Variants in WWOX observed in about 807,000 individuals in gnomAD.
The protein encoded by WWOX is WW domain containing oxidoreductase.
Under a neutral mutation model 46.2 loss-of-function variants are expected in WWOX, and 69 were observed. The ratio of observed to expected loss-of-function variants is 1.49; its 90% CI spans 1.23 to 1.82. The LOEUF is 1.82. Among genes scored for constraint, WWOX ranks in the 40% most tolerant of loss-of-function variants. The pLI is 0.00. For missense variants in WWOX, 919 were observed against 542.6 expected, an observed-to-expected ratio of 1.69 and a Z score of -6.89; for synonymous variants, 359 against 202.6, an observed-to-expected ratio of 1.77 and a Z score of -6.56.
chr16:79,182,684 T>C (rs905311420), intron 8 of WWOX, among the ~76,000 whole-genome samples: 1 of 152,230 alleles, frequency 6.6e-6, no homozygotes, highest in Non-Finnish European at 1.5e-5. Flanking sequence ...GGGCAAGTTA[T>C]TAACCTCTTT....
At chr16:79,040,674 C>G (rs1263022198) in intron 8 of WWOX, among the ~76,000 whole-genome samples, 1 of 152,068 alleles carries the variant, frequency 6.6e-6, no homozygotes, top group African/African-American at 2.4e-5. Context: ...TCATCATCAA[C>G]CCCTCCCCAG....
chr16:79,163,657 G>A (rs1269077693), intron 8 of WWOX, among the ~76,000 whole-genome samples: 4 of 152,002 alleles, frequency 2.6e-5, no homozygotes, highest in Admixed American at 2.0e-4. Context: ...AATTAGCCTG[G>A]CATAGTGGTG....
chr16:78,439,680 T>A (rs2083405288), intron 8 of WWOX, among the ~76,000 whole-genome samples: 1 of 152,248 alleles, frequency 6.6e-6, no homozygotes. Flanking sequence ...TCAGTTTAGC[T>A]GCTTTAGGCC....
intron 8 of WWOX, among the ~76,000 whole-genome samples, chr16:78,790,106 T>C (rs1459030865): frequency 2.0e-5 from 3 of 152,140 alleles, no homozygotes; most frequent in Admixed American, 2.0e-4. Flanking sequence ...AATCGAGTAC[T>C]GTTATTGTTT....
intron 5 of WWOX, among the ~76,000 whole-genome samples, chr16:78,307,198 C>G (rs1233876932): frequency 6.6e-6 from 1 of 152,184 alleles, no homozygotes; most frequent in Non-Finnish European, 1.5e-5. Context: ...AAGTAGGGAA[C>G]TAACTACCTG....
At chr16:79,138,589 T>C (rs1193826050) in intron 8 of WWOX, among the ~76,000 whole-genome samples, 1 of 152,196 alleles carries the variant, frequency 6.6e-6, no homozygotes, top group Non-Finnish European at 1.5e-5. Context: ...ATTAGGGTGC[T>C]CTGGGCAAGT....
intron 8 of WWOX, among the ~76,000 whole-genome samples, chr16:78,791,568 A>C (rs1469016867): frequency 6.6e-6 from 1 of 151,994 alleles, no homozygotes; most frequent in Non-Finnish European, 1.5e-5. Flanking sequence ...AGGCCATCTG[A>C]AGTTAGTGAA....
intron 8 of WWOX, among the ~76,000 whole-genome samples, chr16:78,625,059 C>T (rs529185505): frequency 7.2e-5 from 11 of 152,180 alleles, no homozygotes; most frequent in Admixed American, 2.6e-4. Flanking sequence ...CCCTGGCACT[C>T]GTTTGATTTG....
chr16:78,210,512 C>G (rs2036527581), intron 5 of WWOX, among the ~76,000 whole-genome samples: 2 of 152,020 alleles, frequency 1.3e-5, no homozygotes, highest in South Asian at 4.2e-4. Context: ...GACACACACT[C>G]TCTCTCTCTT....
chr16:78,628,889 C>A (rs978297951), intron 8 of WWOX, among the ~76,000 whole-genome samples: 1 of 152,054 alleles, frequency 6.6e-6, no homozygotes, highest in Non-Finnish European at 1.5e-5. Flanking sequence ...AGTGATGGTC[C>A]CAGGCCCCCT....
intron 8 of WWOX, among the ~76,000 whole-genome samples, chr16:78,606,932 C>A (rs931963674): frequency 2.0e-5 from 3 of 152,022 alleles, no homozygotes; most frequent in Admixed American, 1.3e-4. Flanking sequence ...CGGTTCACAT[C>A]GCTGATTAAT....
chr16:79,187,156 C>G (rs901000586), intron 8 of WWOX, among the ~76,000 whole-genome samples: 5 of 152,184 alleles, frequency 3.3e-5, no homozygotes, highest in African/African-American at 1.2e-4. Flanking sequence ...CCACCACTTA[C>G]GAATTGAATG....
chr16:78,353,732 T>G (rs964835593), intron 5 of WWOX, among the ~76,000 whole-genome samples: 1 of 152,222 alleles, frequency 6.6e-6, no homozygotes, highest in African/African-American at 2.4e-5. Flanking sequence ...AAGAACTTAT[T>G]GAAGTGAGCA....
intron 5 of WWOX, among the ~76,000 whole-genome samples, chr16:78,292,764 T>C (rs1218415260): frequency 6.6e-6 from 1 of 152,232 alleles, no homozygotes; most frequent in Admixed American, 6.5e-5. Flanking sequence ...GAGGGCTTCG[T>C]AGAAGAGCCA....
chr16:78,653,780 C>T (rs1296231201), intron 8 of WWOX, among the ~76,000 whole-genome samples: 1 of 152,214 alleles, frequency 6.6e-6, no homozygotes, highest in African/African-American at 2.4e-5. Context: ...TAGTTTGGTG[C>T]AAAAGGAATT....
intron 8 of WWOX, among the ~76,000 whole-genome samples, chr16:78,774,442 C>A (rs868130387): frequency 9.2e-5 from 14 of 152,058 alleles, no homozygotes; most frequent in South Asian, 2.1e-4. Flanking sequence ...GTGTTGGAAT[C>A]CACGTTGGTG....
chr16:78,666,024 C>T (rs112266253), intron 8 of WWOX, among the ~76,000 whole-genome samples: 6,522 of 151,812 alleles, frequency 0.043, 229 homozygotes, highest in South Asian at 0.16. Flanking sequence ...GTGGCTCATG[C>T]CTGTAATCCC....
chr16:79,014,362 G>C (rs537572459), intron 8 of WWOX, among the ~76,000 whole-genome samples: 1 of 152,008 alleles, frequency 6.6e-6, no homozygotes, highest in Non-Finnish European at 1.5e-5. Context: ...ATGTTTTCCT[G>C]TTTTCTATTG....
chr16:78,887,327 G>A (rs1478797250), intron 8 of WWOX, among the ~76,000 whole-genome samples: 3 of 151,946 alleles, frequency 2.0e-5, no homozygotes, highest in East Asian at 3.9e-4. Flanking sequence ...ATTTTAATCT[G>A]TTGTAGCTTT....
Sources: allele counts gnomAD v4.1 joint callset (sites outside exome capture counted in the v4.1 genomes callset), GRCh38; gene constraint gnomAD v4.1.1; transcripts MANE v1.5; gene names NCBI Gene and HGNC (gene_info 2026-07-23, HGNC 2026-07-21).